Variants in EVC observed in about 807,000 individuals in gnomAD.
EVC encodes the protein evC complex member EVC.
A neutral mutation model predicts 118.9 loss-of-function variants in EVC; 116 were observed. The ratio of observed to expected loss-of-function variants is 0.98; its 90% CI spans 0.84 to 1.14. The LOEUF is 1.14. Ranked by LOEUF, EVC falls within the 50% of genes most tolerant of loss-of-function variation. EVC has a pLI of 0.00. For synonymous variants in EVC, 619 were observed against 534.7 expected, an observed-to-expected ratio of 1.16 and a Z score of -2.18; for missense variants, 1,401 against 1,246.4, an observed-to-expected ratio of 1.12 and a Z score of -1.87.
At chr4:5,805,213 G>A (rs1052991071) in intron 17 of EVC, among the ~76,000 whole-genome samples, 5 of 152,166 alleles carry the variant, frequency 3.3e-5, no homozygotes, top group South Asian at 2.1e-4. Context: ...GAGGTGACCC[G>A]CAGAGGCACA....
At chr4:5,730,329 C>A (rs953370546) in intron 3 of EVC, among the ~76,000 whole-genome samples, 2 of 152,150 alleles carry the variant, frequency 1.3e-5, no homozygotes, top group African/African-American at 2.4e-5. Context: ...TCTGAGAATT[C>A]CTGCACCAAA....
chr4:5,777,792 G>A (rs149476935), intron 11 of EVC, among the ~76,000 whole-genome samples: 1,568 of 152,166 alleles, frequency 0.01, 13 homozygotes, highest in South Asian at 0.023. Context: ...GCTTAAGAGT[G>A]TGGCATTCAT....
chr4:5,777,397 TAATGAAC>T (rs985528453), intron 11 of EVC, among the ~76,000 whole-genome samples: 14 of 152,132 alleles, frequency 9.2e-5, no homozygotes, highest in African/African-American at 3.1e-4. Context: ...CCCCCACCCG[TAATGAAC>T]AATGAACTTG....
rs867505403 is a variant in EVC, at chr4:5,742,056, G to C, written c.801+242G>C. Among the ~76,000 whole-genome samples the C allele has an allele frequency of 5.9e-5, 9 of 152,126 alleles. No homozygotes were observed. Among genetic ancestry groups the C allele is most frequent in the Non-Finnish European group, 1.2e-4 (8 of 68,032 alleles). On this transcript the variant is annotated intron_variant, in intron 6 of 20. Transcript: ENST00000264956. This position sits in a 1 kb window ranked among gnomAD's most constrained non-coding sequence, Gnocchi z 5.2. ...TGGTCATATCTACTACTCAAAGACG[G>C]TCACTGTTAATGTTTTTTTCTGCAC...
chr4:5,721,519 TG>T (rs1486980653), intron 2 of EVC, among the ~76,000 whole-genome samples: 4 of 151,240 alleles, frequency 2.6e-5, no homozygotes, highest in African/African-American at 7.3e-5. Flanking sequence ...AAGGGAGGGA[TG>T]GGGTGACAGT....
At chr4:5,767,204 G>C (rs920342695) in intron 11 of EVC, among the ~76,000 whole-genome samples, 1 of 152,076 alleles carries the variant, frequency 6.6e-6, no homozygotes, top group African/African-American at 2.4e-5. Context: ...CTCCCAGTTA[G>C]GCTCCTCGGG....
intron 11 of EVC, among the ~76,000 whole-genome samples, chr4:5,782,918 G>A (rs1340196269): frequency 6.6e-6 from 1 of 152,172 alleles, no homozygotes; most frequent in Non-Finnish European, 1.5e-5. Context: ...CCTAATGATG[G>A]TTTTGAGGAG....
At chr4:5,735,105 T>A (rs1871585) in intron 5 of EVC, among the ~76,000 whole-genome samples, 3 of 152,076 alleles carry the variant, frequency 2.0e-5, no homozygotes, top group African/African-American at 7.2e-5. Context: ...TGCCAGGCAC[T>A]GTGTCAGACC....
intron 15 of EVC, among the ~76,000 whole-genome samples, chr4:5,800,174 G>A (rs12512379): frequency 0.28 from 42,839 of 151,910 alleles, 7,092 homozygotes; most frequent in South Asian, 0.54. Context: ...GTGAAACCCC[G>A]TCTCTACTAA....
At position 5,742,429 on chromosome 4, in the gene EVC, T is replaced by C. The variant is rs1488192091; in HGVS notation, c.801+615T>C. 6.6e-6 allele frequency among the ~76,000 whole-genome samples: 1 copy of C among 152,166 alleles called. No individual in the cohort carries two copies. The highest frequency in any genetic ancestry group is 6.6e-5 in the Admixed American group (1 of 15,266). ...AACCACCACCAAAATCATCATCATC[T>C]TCATTATCACCACCAGTTTTATTTT... On this transcript the variant is annotated intron_variant, in intron 6 of 20. Coordinates refer to ENST00000264956, the MANE Select transcript of EVC (RefSeq NM_153717.3). The surrounding 1 kb of genome is among the most constrained non-coding windows in gnomAD (Gnocchi z 5.2).
At chr4:5,745,404 C>G (rs13145958) in intron 7 of EVC, 63 bp downstream of exon 7, 1 of 1,556,406 alleles carries the variant, frequency 6.4e-7, no homozygotes, top group Non-Finnish European at 8.9e-7. Context: ...AAATTGGCTA[C>G]ATTAGAGAGA....
intron 5 of EVC, among the ~76,000 whole-genome samples, chr4:5,736,144 A>G (rs1233736877): frequency 1.3e-5 from 2 of 152,176 alleles, no homozygotes; most frequent in Admixed American, 1.3e-4. Context: ...GGCCAGGATG[A>G]GAACAGATTG....
At chr4:5,791,778 C>A (rs1297693023) in intron 12 of EVC, among the ~76,000 whole-genome samples, 1 of 152,058 alleles carries the variant, frequency 6.6e-6, no homozygotes, top group Non-Finnish European at 1.5e-5. Context: ...AATGAGACCA[C>A]CCTGCCACCA....
chr4:5,798,681 G>A lies in EVC; in HGVS notation c.2193G>A (p.Glu731=), dbSNP rs1214643510. ...LQQRLLAEAQ[E]VGQLLQQHME... is the part of the protein sequence containing the mutation. ...AGCGGCTCCTGGCCGAGGCCCAGGAGGTGGGGCAGCTTCTGCAGCAGCACA... is the reference window on the plus strand; with the variant it reads ...AGCGGCTCCTGGCCGAGGCCCAGGAAGTGGGGCAGCTTCTGCAGCAGCACA... Residue 731 remains glutamate (E), a synonymous_variant, in exon 15 of 21, where the codon GAG becomes GAA. Transcript: ENST00000264956. The surrounding 1 kb of genome is among the most constrained non-coding windows in gnomAD (Gnocchi z 4.1). 1 of 1,604,238 alleles carries A rather than the reference G, an allele frequency of 6.2e-7. No individual in the cohort carries two copies. Among genetic ancestry groups the A allele is most frequent in the East Asian group, 2.3e-5 (1 of 44,410 alleles).
In EVC at chr4:5,797,149, C is replaced by T. The variant is rs774949132; in HGVS notation, c.2014C>T (p.Gln672Ter). ...MRLSGKKHLL[Q>*]ELREQRALEQ... ...GCTATCGGGGAAGAAGCACCTCCTG[C>T]AGGAGCTGCGGGAACAGCGTGCACT... is the stretch of plus-strand genomic sequence containing the variant. Residue 672 changes from glutamine (Q) to a stop codon, truncating the protein, a stop_gained, in exon 14 of 21, where the codon CAG becomes TAG. Transcript: ENST00000264956. LOFTEE classifies it high-confidence loss of function. 2.5e-6 allele frequency: 4 copies of T among 1,613,650 alleles called. No homozygotes were observed. The East Asian group carries it at 6.7e-5, about 27-fold the overall frequency.
At chr4:5,824,694 C>T in the EVC span, 1 of 983,772 alleles carries the variant, frequency 1.0e-6, no homozygotes, top group Non-Finnish European at 1.2e-6. Flanking sequence ...TGCCTCTTAG[C>T]TTACAAAGCC....
intron 16 of EVC, among the ~76,000 whole-genome samples, chr4:5,803,498 TG>T: frequency 6.6e-6 from 1 of 152,322 alleles, no homozygotes; most frequent in South Asian, 2.1e-4. Context: ...CTCTTTCCCT[TG>T]GTAGGCCTTG....
rs575708448 is a variant in EVC at position 5,798,348 on chromosome 4, T to C, written c.2098-238T>C. On this transcript the variant is annotated intron_variant, in intron 14 of 20. Transcript: ENST00000264956. The surrounding 1 kb of genome is among the most constrained non-coding windows in gnomAD (Gnocchi z 4.1). The stretch of plus-strand genomic sequence containing the variant: ...CCATCTTGTGAGGGGCCATAGATGG[T>C]ACTGGGCACGCAGTTGATGCTCAAT... Among the ~76,000 whole-genome samples the C allele has an allele frequency of 2.6e-4, 39 of 152,332 alleles. No homozygotes were observed. In the South Asian group the frequency reaches 7.9e-3, roughly 31 times the overall value.
At position 5,742,073 on chromosome 4, in the gene EVC, T is replaced by C. The variant is rs1199613376; in HGVS notation, c.801+259T>C. On this transcript the variant is annotated intron_variant, in intron 6 of 20. Transcript: ENST00000264956. The surrounding 1 kb of genome is among the most constrained non-coding windows in gnomAD (Gnocchi z 5.2). ...CAAAGACGGTCACTGTTAATGTTTTTTTCTGCACACATTTGGGATATTTTT... is the reference window on the plus strand; with the variant it reads ...CAAAGACGGTCACTGTTAATGTTTTCTTCTGCACACATTTGGGATATTTTT... Among the ~76,000 whole-genome samples, 2 of 152,264 alleles carry C rather than the reference T, an allele frequency of 1.3e-5. No individual in the cohort carries two copies. The highest frequency in any genetic ancestry group is 2.4e-5 in the African/African-American group (1 of 41,478).
Sources: allele counts gnomAD v4.1 joint callset (sites outside exome capture counted in the v4.1 genomes callset), GRCh38; gene constraint gnomAD v4.1.1; non-coding constraint Gnocchi (gnomAD v3.1); transcripts MANE v1.5; gene names NCBI Gene and HGNC (gene_info 2026-07-23, HGNC 2026-07-21).